RALGPS2: variants seen among roughly 807,000 people sequenced by gnomAD.
RALGPS2 encodes ras-specific guanine nucleotide-releasing factor RalGPS2.
A neutral mutation model predicts 86.8 loss-of-function variants in RALGPS2; 43 were observed. That is an observed-to-expected ratio of 0.50 (90% CI 0.39 to 0.64). RALGPS2 has a LOEUF of 0.64. Ranked by LOEUF, RALGPS2 falls within the 30% of genes least tolerant of loss-of-function variation. The probability of loss-of-function intolerance (pLI) is 0.00; values close to 1 mark genes in which losing one functional copy is unlikely to be tolerated. For synonymous variants in RALGPS2, 243 were observed against 231.3 expected (o/e 1.05, Z -0.46); for missense variants, 536 against 694.6 (o/e 0.77, Z 2.57).
chr1:178,763,434 C>T (rs1271179500), intron 1 of RALGPS2, among the ~76,000 whole-genome samples: 1 of 152,188 alleles, frequency 6.6e-6, no homozygotes, highest in Non-Finnish European at 1.5e-5. Context: ...TTGCTTTGGG[C>T]AGCATGGCCA....
At chr1:178,868,110 T>G (rs185536977) in intron 8 of RALGPS2, among the ~76,000 whole-genome samples, 1 of 151,928 alleles carries the variant, frequency 6.6e-6, no homozygotes, top group Admixed American at 6.6e-5. Flanking sequence ...ACATGGGTAT[T>G]TTTTTTAGCT....
intron 4 of RALGPS2, among the ~76,000 whole-genome samples, chr1:178,786,505 C>A (rs1210876081): frequency 2.6e-5 from 4 of 152,006 alleles, no homozygotes; most frequent in Non-Finnish European, 4.4e-5. Flanking sequence ...CCACTATAAG[C>A]ATGGGGGTGT....
intron 8 of RALGPS2, among the ~76,000 whole-genome samples, chr1:178,837,903 T>C (rs1656360051): frequency 6.6e-6 from 1 of 152,090 alleles, no homozygotes; most frequent in Non-Finnish European, 1.5e-5. Flanking sequence ...GCTCAGAGGG[T>C]GCCACGCCCA....
At chr1:178,749,742 C>T (rs150222643) in intron 1 of RALGPS2, among the ~76,000 whole-genome samples, 4 of 152,102 alleles carry the variant, frequency 2.6e-5, no homozygotes, top group Non-Finnish European at 5.9e-5. Context: ...TGGATTTGAT[C>T]CATGCACAGA....
rs567710123 is a variant in RALGPS2, at chr1:178,752,953, A to T, written c.-83-23729A>T. Among the ~76,000 whole-genome samples, 14 of 152,162 alleles carry T rather than the reference A, an allele frequency of 9.2e-5. No individual in the cohort carries two copies. The East Asian group carries it at 2.7e-3, about 29-fold the overall frequency. The stretch of plus-strand genomic sequence containing the variant: ...ACAATTTAATAGTTCATTAATATGG[A>T]CTCTGCCTTTTCATTGTGTACAGTC... On this transcript the variant is annotated intron_variant, in intron 1 of 19. Transcript: ENST00000367635.
At position 178,894,199 on chromosome 1, in the gene RALGPS2, A is replaced by G. The variant is rs558719857; in HGVS notation, c.1431+175A>G. On this transcript the variant is annotated intron_variant, in intron 16 of 19. Coordinates refer to ENST00000367635, the MANE Select transcript of RALGPS2 (RefSeq NM_152663.5). ...TCATCCATTCCAAGATCCCCCGGGG[A>G]TGACTGAAACCTCAGATAGTACCAA... The G allele has an allele frequency of 4.2e-5, 20 of 475,128 alleles. No homozygotes were observed. In the Admixed American group the frequency reaches 7.3e-4, roughly 17 times the overall value. The allele number at this position is 475,128 out of a possible 1,614,324, so 29.4% of individuals were successfully genotyped here. A position where few individuals can be genotyped will look rare whatever the true frequency, so the allele number is the denominator to read the frequency against.
intron 8 of RALGPS2, among the ~76,000 whole-genome samples, chr1:178,835,160 C>T (rs1454140880): frequency 6.6e-6 from 1 of 152,110 alleles, no homozygotes. Context: ...GGGAATTTTT[C>T]AAAAATAATA....
At chr1:178,857,492 C>G (rs1272858467) in intron 8 of RALGPS2, among the ~76,000 whole-genome samples, 1 of 152,070 alleles carries the variant, frequency 6.6e-6, no homozygotes, top group East Asian at 1.9e-4. Context: ...ATGACAAGTA[C>G]TTTGATGGAG....
intron 1 of RALGPS2, among the ~76,000 whole-genome samples, chr1:178,728,494 G>A (rs993480586): frequency 6.8e-6 from 1 of 147,450 alleles, no homozygotes; most frequent in Non-Finnish European, 1.5e-5. Context: ...AGATATTGAA[G>A]TGTATCCATT....
At position 178,853,020 on chromosome 1, in the gene RALGPS2, A is replaced by G; in HGVS notation, c.607+19470A>G. Reference sequence around the variant, plus strand: ...GAGATAGTAAACATTTTTACAGAGCAGTGTTAAACATTCGATAGCATAAAG... The same window carrying G: ...GAGATAGTAAACATTTTTACAGAGCGGTGTTAAACATTCGATAGCATAAAG... On this transcript the variant is annotated intron_variant, in intron 8 of 19. Transcript: ENST00000367635. The G allele has an allele frequency of 2.0e-6, 3 of 1,521,226 alleles. No homozygotes were observed. The African/African-American group carries it at 4.2e-5, about 21-fold the overall frequency. The allele number at this position is 1,521,226 out of a possible 1,614,324, so 94.2% of individuals were successfully genotyped here.
intron 2 of RALGPS2, among the ~76,000 whole-genome samples, chr1:178,779,698 A>G (rs375747382): frequency 1.3e-5 from 2 of 152,330 alleles, no homozygotes; most frequent in African/African-American, 4.8e-5. Context: ...TCACATTTCC[A>G]TAGCCATCTA....
In RALGPS2 at chr1:178,834,407, G is replaced by A. The variant is rs556482736; in HGVS notation, c.607+857G>A. 4.6e-5 allele frequency among the ~76,000 whole-genome samples: 7 copies of A among 152,310 alleles called. No homozygotes were observed. In the East Asian group the frequency reaches 9.6e-4, roughly 21 times the overall value. On this transcript the variant is annotated intron_variant, in intron 8 of 19. Transcript: ENST00000367635. Reference sequence around the variant, plus strand: ...AGAGTGATTACAGTGTCACCTTGAAGTGTTTACAGTCCCAGTGACTAGAAG... The same window carrying A: ...AGAGTGATTACAGTGTCACCTTGAAATGTTTACAGTCCCAGTGACTAGAAG...
intron 1 of RALGPS2, among the ~76,000 whole-genome samples, chr1:178,728,689 T>G (rs1650170141): frequency 6.6e-6 from 1 of 152,188 alleles, no homozygotes; most frequent in Non-Finnish European, 1.5e-5. Context: ...GTAAATTGTT[T>G]CTTTAAATGT....
chr1:178,902,338 C>A, intron 18 of RALGPS2, 127 bp downstream of exon 18: 1 of 625,834 alleles, frequency 1.6e-6, no homozygotes, highest in Non-Finnish European at 2.7e-6. Flanking sequence ...ACTTGATGAG[C>A]CAAAACCTAG....
intron 14 of RALGPS2, 32 bp downstream of exon 14, chr1:178,889,728 A>C: frequency 6.6e-7 from 1 of 1,517,602 alleles, no homozygotes. Context: ...AACTACTTGG[A>C]GTTTATTTTG....
rs1347973773 is a variant in RALGPS2, at chr1:178,919,058, C to T, written c.*2699C>T. On this transcript the variant is annotated 3_prime_UTR_variant, in exon 20 of 20. Coordinates refer to ENST00000367635, the MANE Select transcript of RALGPS2 (RefSeq NM_152663.5). ...CATAATGATTGGCATGTTATATAGC[C>T]TGTTGAAAATAACTACAGAATGACC... is the stretch of plus-strand genomic sequence containing the variant. The T allele has an allele frequency of 6.6e-6, 1 of 151,984 alleles. No homozygotes were observed. The highest frequency in any genetic ancestry group is 2.4e-5 in the African/African-American group (1 of 41,420). 9.4% of individuals were successfully genotyped at this position (151,984 alleles called of 1,614,324 possible). A position where few individuals can be genotyped will look rare whatever the true frequency, so the allele number is the denominator to read the frequency against.
At chr1:178,785,536 C>A in intron 3 of RALGPS2, 21 bp from the exon 4 acceptor site, 1 of 1,567,176 alleles carries the variant, frequency 6.4e-7, no homozygotes, top group East Asian at 2.3e-5. Flanking sequence ...AAGAAATTGT[C>A]ATTTTTACTT....
At chr1:178,885,277 A>C (rs113400309) in intron 12 of RALGPS2, 66 bp downstream of exon 12, 40 of 1,479,712 alleles carry the variant, frequency 2.7e-5, no homozygotes, top group African/African-American at 2.4e-4. Flanking sequence ...TTGTCGATTT[A>C]TTAGTTCAGT....
At chr1:178,867,836 T>C (rs3753535) in intron 8 of RALGPS2, among the ~76,000 whole-genome samples, 35,875 of 151,614 alleles carry the variant, frequency 0.24, 4,941 homozygotes, top group Non-Finnish European at 0.32. Context: ...ACAAAGGTCA[T>C]GTCAATGAAA....
Sources: allele counts gnomAD v4.1 joint callset (sites outside exome capture counted in the v4.1 genomes callset), GRCh38; gene constraint gnomAD v4.1.1; transcripts MANE v1.5; gene names NCBI Gene and HGNC (gene_info 2026-07-23, HGNC 2026-07-21).